SLC43A2: variants seen among roughly 807,000 people sequenced by gnomAD.
SLC43A2 encodes the protein solute carrier family 43 member 2.
Under a neutral mutation model 63.2 loss-of-function variants are expected in SLC43A2, and 38 were observed. The observed-to-expected ratio is 0.60, with a 90% CI of 0.46 to 0.79. The LOEUF is 0.79. SLC43A2 is among the 30% of genes least tolerant of loss of function. The pLI is 0.00. For missense variants in SLC43A2, 644 were observed against 756.2 expected, an observed-to-expected ratio of 0.85 and a Z score of 1.74; for synonymous variants, 322 against 331.0, an observed-to-expected ratio of 0.97 and a Z score of 0.30.
chr17:1,597,771 C>T (rs539040196), intron 5 of SLC43A2, among the ~76,000 whole-genome samples: 68 of 152,082 alleles, frequency 4.5e-4, no homozygotes, highest in African/African-American at 1.6e-3. Flanking sequence ...TGCCCTCCAC[C>T]CTGGGCGACA....
chr17:1,611,449 A>C (rs935601943), intron 5 of SLC43A2, among the ~76,000 whole-genome samples: 1 of 152,070 alleles, frequency 6.6e-6, no homozygotes, highest in Non-Finnish European at 1.5e-5. Context: ...AGCCTGGCCA[A>C]CATGGTGAAA....
rs957812542 is a variant in SLC43A2 at position 1,582,367 on chromosome 17, A to C, written c.1350+837T>G. On this transcript the variant is annotated intron_variant, in intron 11 of 13. Coordinates refer to ENST00000301335, the MANE Select transcript of SLC43A2 (RefSeq NM_152346.3). The stretch of plus-strand genomic sequence containing the variant: ...AGTGTTGAGATTACAGGCATGAGCC[A>C]CCGGCCTGGAATGAAGCTTTTGAAT... Among the ~76,000 whole-genome samples the C allele has an allele frequency of 2.6e-5, 4 of 152,352 alleles. No individual in the cohort carries two copies. The East Asian group carries it at 7.7e-4, about 29-fold the overall frequency.
rs1205589638 is a variant in SLC43A2 at position 1,615,365 on chromosome 17, CT to C, written c.369-332del. ...CCTCAGGTGACCCACCCAACTCTGC[CT>C]CCCAAAAAGCTGGGATTACCAGTGT... On this transcript the variant is annotated intron_variant, in intron 3 of 13. Coordinates refer to ENST00000301335, the MANE Select transcript of SLC43A2 (RefSeq NM_152346.3). Among the ~76,000 whole-genome samples the C allele has an allele frequency of 2.0e-5, 3 of 152,100 alleles. No individual in the cohort carries two copies. In the East Asian group the frequency reaches 5.9e-4, roughly 30 times the overall value.
chr17:1,624,216 C>T (rs958230849), intron 2 of SLC43A2, among the ~76,000 whole-genome samples: 1 of 152,204 alleles, frequency 6.6e-6, no homozygotes, highest in Non-Finnish European at 1.5e-5. Flanking sequence ...GTGGGTGGAT[C>T]GACTGAGCCC....
In SLC43A2 at chr17:1,585,907, A is replaced by ACGC. The variant is rs2076094451; in HGVS notation, c.1217+3_1217+5dup. The stretch of plus-strand genomic sequence containing the variant: ...GGGAGCCGGGGCACCGGCCCTGCCT[A>ACGC]CGCACTGGTTGGCGTCTTTCTCCTC... On this transcript the variant is annotated splice_donor_region_variant and intron_variant, in intron 10 of 13. Coordinates refer to ENST00000301335, the MANE Select transcript of SLC43A2 (RefSeq NM_152346.3). 6.2e-7 allele frequency: 1 copy of ACGC among 1,613,536 alleles called. No individual in the cohort carries two copies. Among genetic ancestry groups the ACGC allele is most frequent in the African/African-American group, 1.3e-5 (1 of 74,924 alleles).
rs141000405 is a variant in SLC43A2, at chr17:1,606,782, C to T, written c.501+6413G>A. 5.6e-4 allele frequency among the ~76,000 whole-genome samples: 86 copies of T among 152,366 alleles called. No individual in the cohort carries two copies. The highest frequency in any genetic ancestry group is 1.9e-3 in the African/African-American group (81 of 41,582). ...GCTCTGCCCCCATGGAGTGACCTGG[C>T]GTCCGCCCTCCACGGATGGCACGCG... On this transcript the variant is annotated intron_variant, in intron 5 of 13. Coordinates refer to ENST00000301335, the MANE Select transcript of SLC43A2 (RefSeq NM_152346.3). The surrounding 1 kb of genome is among the most constrained non-coding windows in gnomAD (Gnocchi z 4.7).
chr17:1,614,325 C>T (rs958995269), intron 4 of SLC43A2, among the ~76,000 whole-genome samples: 3 of 152,072 alleles, frequency 2.0e-5, no homozygotes, highest in East Asian at 3.9e-4. Flanking sequence ...GTGGGACGAT[C>T]GCTTGAGCCT....
rs764596650 is a variant in SLC43A2, at chr17:1,578,205, C to G, written c.1424+45G>C. 1 of 1,595,686 alleles carries G rather than the reference C, an allele frequency of 6.3e-7. No homozygotes were observed. Among genetic ancestry groups the G allele is most frequent in the South Asian group, 1.1e-5 (1 of 90,634 alleles). ...CACCAGCAACCTCCCCCCGGCCATT[C>G]CCACACCCTCGCCCACCAGGCCACC... On this transcript the variant is annotated intron_variant, in intron 12 of 13. Coordinates refer to ENST00000301335, the MANE Select transcript of SLC43A2 (RefSeq NM_152346.3). The surrounding 1 kb of genome is among the most constrained non-coding windows in gnomAD (Gnocchi z 6.5).
rs541316998 is a variant in SLC43A2, at chr17:1,615,996, T to A, written c.368+566A>T. On this transcript the variant is annotated intron_variant, in intron 3 of 13. Coordinates refer to ENST00000301335, the MANE Select transcript of SLC43A2 (RefSeq NM_152346.3). ...AGGCAGAGGTTGCCGTGAGCCGAGA[T>A]CACGCCACTGCACTCCAGCCTGGGC... 6.2e-3 allele frequency among the ~76,000 whole-genome samples: 875 copies of A among 140,202 alleles called. 9 individuals are homozygous for A. Among genetic ancestry groups the A allele is most frequent in the African/African-American group, 0.022 (831 of 37,036 alleles). 92.0% of individuals were successfully genotyped at this position (140,202 alleles called of 152,430 possible).
At chr17:1,617,302 T>C (rs750676150) in intron 2 of SLC43A2, among the ~76,000 whole-genome samples, 6 of 152,222 alleles carry the variant, frequency 3.9e-5, no homozygotes, top group African/African-American at 7.2e-5. Context: ...CCTCTGTCCA[T>C]GTGGGGAGAC....
chr17:1,615,626 A>G (rs192279258), intron 3 of SLC43A2, among the ~76,000 whole-genome samples: 20,577 of 149,534 alleles, frequency 0.14, 2,152 homozygotes, highest in East Asian at 0.41. Flanking sequence ...GGCAGATCAC[A>G]AGGTCAGGAG....
intron 12 of SLC43A2, 54 bp from the exon 13 acceptor site, chr17:1,576,774 C>T (rs1211687607): frequency 1.9e-6 from 3 of 1,589,420 alleles, no homozygotes; most frequent in Non-Finnish European, 1.7e-6. Flanking sequence ...TTTGCTTGGC[C>T]CCAGGTGTCT....
chr17:1,616,792 C>T (rs1339959687), intron 2 of SLC43A2, 23 bp from the exon 3 acceptor site: 2 of 1,612,010 alleles, frequency 1.2e-6, no homozygotes, highest in Admixed American at 1.7e-5. Flanking sequence ...GGAAGGAAAC[C>T]CTGACCTCAG....
Position 1,616,730 on chromosome 17 carries a change from G to A in SLC43A2, c.200C>T (p.Pro67Leu), listed in dbSNP as rs533816234. ...CATCCAGCTCACCTCCTCGTGCCCC[G>A]GCTCTGCTGTGCCGCCCACTGTGCC... Reference protein sequence around the residue: ...TNGTVGGTAEPGHEEVSWMNG... With the variant: ...TNGTVGGTAELGHEEVSWMNG... The change falls in exon 3 of 14, where the codon CCG becomes CTG. Residue 67 changes from proline (P) to leucine (L), a missense_variant. Physicochemically the swap from Pro to Leu is moderately conservative, Grantham distance 98 (BLOSUM62 -3). Transcript: ENST00000301335. The A allele has an allele frequency of 4.0e-5, 64 of 1,614,050 alleles. 1 individual carries two copies. In the East Asian group the frequency reaches 6.7e-4, roughly 17 times the overall value.
intron 4 of SLC43A2, among the ~76,000 whole-genome samples, chr17:1,613,818 T>A (rs1346621827): frequency 6.6e-6 from 1 of 152,122 alleles, no homozygotes. Context: ...ATTAGCAGTG[T>A]CCAGGCGCAG....
At chr17:1,619,831 G>A (rs558793947) in intron 2 of SLC43A2, among the ~76,000 whole-genome samples, 3 of 152,348 alleles carry the variant, frequency 2.0e-5, no homozygotes, top group African/African-American at 4.8e-5. Flanking sequence ...GAGAGAGCAC[G>A]CCAGGGCCCA....
intron 2 of SLC43A2, among the ~76,000 whole-genome samples, chr17:1,626,555 G>C (rs1908683062): frequency 6.6e-6 from 1 of 152,176 alleles, no homozygotes; most frequent in African/African-American, 2.4e-5. Flanking sequence ...AACCTCTCCA[G>C]CTAAGCCTCC....
chr17:1,619,136 C>A (rs1217218031), intron 2 of SLC43A2, among the ~76,000 whole-genome samples: 2 of 152,032 alleles, frequency 1.3e-5, no homozygotes, highest in East Asian at 3.9e-4. Context: ...GAAACCCCAT[C>A]TCTACTAAAA....
rs545045025 is a variant in SLC43A2, at chr17:1,594,820, C to G, written c.502-1541G>C. On this transcript the variant is annotated intron_variant, in intron 5 of 13. Coordinates refer to ENST00000301335, the MANE Select transcript of SLC43A2 (RefSeq NM_152346.3). ...AGCCAGGATGGTCTGGATCTCCTGA[C>G]CTCGTGATCCGCCCGCCTTGGCCTC... Among the ~76,000 whole-genome samples the G allele has an allele frequency of 3.0e-3, 458 of 151,632 alleles. 8 individuals are homozygous for G. The highest frequency in any genetic ancestry group is 0.01 in the African/African-American group (430 of 41,296).
Sources: allele counts gnomAD v4.1 joint callset (sites outside exome capture counted in the v4.1 genomes callset), GRCh38; gene constraint gnomAD v4.1.1; non-coding constraint Gnocchi (gnomAD v3.1); transcripts MANE v1.5; gene names NCBI Gene and HGNC (gene_info 2026-07-23, HGNC 2026-07-21).